Variants in PXYLP1 observed in about 807,000 individuals in gnomAD.
PXYLP1 encodes acid phosphatase-like 2.
In PXYLP1, 17 loss-of-function variants were observed where a neutral mutation model predicts 37.9. The ratio of observed to expected loss-of-function variants is 0.45; its 90% CI spans 0.31 to 0.67. The LOEUF is 0.67. Among genes scored for constraint, PXYLP1 ranks in the 30% least tolerant of loss-of-function variants. The probability of loss-of-function intolerance (pLI) is 0.07; values close to 1 mark genes in which losing one functional copy is unlikely to be tolerated. For synonymous variants in PXYLP1, 221 were observed against 232.2 expected, an observed-to-expected ratio of 0.95 and a Z score of 0.44; for missense variants, 511 against 612.0, an observed-to-expected ratio of 0.84 and a Z score of 1.74.
Position 141,293,531 on chromosome 3 carries a change from A to G in PXYLP1, c.*326A>G. On this transcript the variant is annotated 3_prime_UTR_variant, in exon 6 of 6. Transcript: ENST00000286353. The stretch of plus-strand genomic sequence containing the variant: ...GCACTCTTCTGGCCTGCCCCATGTT[A>G]CTATGTGATGGAACCAGCACACCTC... The G allele has an allele frequency of 3.9e-6, 1 of 253,858 alleles. No homozygotes were observed. Among genetic ancestry groups the G allele is most frequent in the Non-Finnish European group, 7.5e-6 (1 of 132,614 alleles). 15.7% of individuals were successfully genotyped at this position (253,858 alleles called of 1,614,324 possible).
intron 2 of PXYLP1, among the ~76,000 whole-genome samples, chr3:141,270,101 T>G (rs1379665178): frequency 4.6e-5 from 7 of 152,256 alleles, no homozygotes; most frequent in Non-Finnish European, 8.8e-5. Flanking sequence ...TGAACTCTGC[T>G]GGAGTTCTCC....
At chr3:141,233,196 G>C (rs1173387971) in intron 1 of PXYLP1, among the ~76,000 whole-genome samples, 6 of 152,156 alleles carry the variant, frequency 3.9e-5, no homozygotes, top group Admixed American at 3.9e-4. Flanking sequence ...CCTCGGGCGC[G>C]GTGGCTCACG....
intron 1 of PXYLP1, among the ~76,000 whole-genome samples, chr3:141,244,167 A>T (rs55923220): frequency 0.21 from 30,913 of 150,762 alleles, 4,130 homozygotes; most frequent in African/African-American, 0.39. Context: ...TTTCCTTTTT[A>T]AAAAAAAATT....
intron 2 of PXYLP1, chr3:141,274,638 C>T: frequency 4.1e-6 from 3 of 738,418 alleles, no homozygotes; most frequent in Admixed American, 2.0e-5. Flanking sequence ...TTTTGGAAGA[C>T]CTATCCTCTG....
intron 1 of PXYLP1, among the ~76,000 whole-genome samples, chr3:141,248,666 CACACACGTGTATATAT>C (rs1941043956): frequency 2.3e-5 from 1 of 43,386 alleles, no homozygotes; most frequent in Admixed American, 2.3e-4. Context: ...CGTATATATA[CACACACGTGTATATAT>C]ACACACGTAT....
intron 2 of PXYLP1, chr3:141,262,645 G>A: frequency 6.6e-7 from 1 of 1,524,826 alleles, no homozygotes; most frequent in Non-Finnish European, 8.7e-7. Flanking sequence ...GCCTGTCTGG[G>A]TCTGAGCTCT....
chr3:141,288,560 T>C (rs565294341), intron 5 of PXYLP1, among the ~76,000 whole-genome samples: 33 of 152,324 alleles, frequency 2.2e-4, no homozygotes, highest in African/African-American at 7.9e-4. Flanking sequence ...CAATTAACTA[T>C]TTTGCAATCT....
At chr3:141,235,869 A>G (rs988774940) in intron 1 of PXYLP1, among the ~76,000 whole-genome samples, 3 of 152,214 alleles carry the variant, frequency 2.0e-5, no homozygotes, top group African/African-American at 7.2e-5. Flanking sequence ...TGGCCTGTTT[A>G]TCCTCCACCC....
At chr3:141,241,809 G>A (rs1477579924) in intron 1 of PXYLP1, among the ~76,000 whole-genome samples, 2 of 152,202 alleles carry the variant, frequency 1.3e-5, no homozygotes, top group Admixed American at 6.5e-5. Context: ...CAGAATCTGA[G>A]GAGGGCTTGG....
At chr3:141,278,136 G>C (rs1941841535) in intron 2 of PXYLP1, among the ~76,000 whole-genome samples, 1 of 152,194 alleles carries the variant, frequency 6.6e-6, no homozygotes, top group Admixed American at 6.5e-5. Context: ...GATAAGGAGA[G>C]GGTAGTGGCA....
chr3:141,264,128 G>A (rs1204362851), intron 2 of PXYLP1, among the ~76,000 whole-genome samples: 1 of 152,236 alleles, frequency 6.6e-6, no homozygotes, highest in Non-Finnish European at 1.5e-5. Flanking sequence ...CCAGAGCAGA[G>A]TCGAAGGAAA....
chr3:141,270,972 C>T lies in PXYLP1; in HGVS notation c.80-7370C>T, dbSNP rs145906583. Among the ~76,000 whole-genome samples, 28 of 152,272 alleles carry T rather than the reference C, an allele frequency of 1.8e-4. No homozygotes were observed. The East Asian group carries it at 5.4e-3, about 29-fold the overall frequency. On this transcript the variant is annotated intron_variant, in intron 2 of 5. Transcript: ENST00000286353. Reference sequence around the variant, plus strand: ...GTAGTGTGATCAGGGCTCACTGCAGCCCCGAACTCCTGAGCTCAAGCGATC... The same window carrying T: ...GTAGTGTGATCAGGGCTCACTGCAGTCCCGAACTCCTGAGCTCAAGCGATC...
At chr3:141,270,875 G>A (rs1169158965) in intron 2 of PXYLP1, among the ~76,000 whole-genome samples, 2 of 152,150 alleles carry the variant, frequency 1.3e-5, no homozygotes, top group Non-Finnish European at 2.9e-5. Context: ...GGGGATGGAT[G>A]TAGAAAATAG....
At chr3:141,277,193 T>G (rs904333559) in intron 2 of PXYLP1, among the ~76,000 whole-genome samples, 1 of 152,216 alleles carries the variant, frequency 6.6e-6, no homozygotes, top group African/African-American at 2.4e-5. Context: ...GTAGAAGAAT[T>G]TGTAGAAGTA....
rs749916821 is a variant in PXYLP1 at position 141,279,554 on chromosome 3, GTAGGATAGAGAA to G, written c.365+52_365+63del. The stretch of plus-strand genomic sequence containing the variant: ...CATTTTCAAGTGTCTGTTATATCCT[GTAGGATAGAGAA>G]TGACAGGACCTACACTTGGTGAACC... On this transcript the variant is annotated intron_variant, in intron 4 of 5. Coordinates refer to ENST00000286353, the MANE Select transcript of PXYLP1 (RefSeq NM_001037172.3). 33 of 1,607,584 alleles carry G rather than the reference GTAGGATAGAGAA, an allele frequency of 2.1e-5. No individual in the cohort carries two copies. The South Asian group carries it at 3.3e-4, about 16-fold the overall frequency.
rs1367787035 is a variant in PXYLP1 at position 141,264,110 on chromosome 3, C to CAGTG, written c.79+3856_79+3857insAGTG. On this transcript the variant is annotated intron_variant, in intron 2 of 5. Transcript: ENST00000286353. ...TGGGGTTTCCCTCTTGGTCAGGGCC[C>CAGTG]CGATTGGCCAGAGCAGAGTCGAAGG... Among the ~76,000 whole-genome samples the CAGTG allele has an allele frequency of 1.4e-3, 218 of 152,124 alleles. 2 individuals carry two copies. The highest frequency in any genetic ancestry group is 5.1e-3 in the African/African-American group (213 of 41,420).
In PXYLP1 at chr3:141,292,320, G is replaced by A; in HGVS notation, c.558G>A (p.Lys186=). 1 of 1,612,672 alleles carries A rather than the reference G, an allele frequency of 6.2e-7. No homozygotes were observed. The highest frequency in any genetic ancestry group is 8.5e-7 in the Non-Finnish European group (1 of 1,179,478). The change falls in exon 6 of 6, where the codon AAG becomes AAA. Residue 186 remains lysine, a synonymous_variant. Coordinates refer to ENST00000286353, the MANE Select transcript of PXYLP1 (RefSeq NM_001037172.3). The surrounding 1 kb of genome is among the most constrained non-coding windows in gnomAD (Gnocchi z 4.3). ...NGQLLRDIYL[K]KHKLLPNDWS... is the part of the protein sequence containing the mutation. The stretch of plus-strand genomic sequence containing the variant: ...AGCTGCTGAGGGATATCTATCTAAA[G>A]AAACACAAACTCCTGCCCAATGATT...
chr3:141,239,396 T>C (rs1355073866), intron 1 of PXYLP1, among the ~76,000 whole-genome samples: 1 of 152,220 alleles, frequency 6.6e-6, no homozygotes, highest in African/African-American at 2.4e-5. Flanking sequence ...AAAATCACTG[T>C]CTTCTTTGAG....
chr3:141,266,190 A>G (rs1296607075), intron 2 of PXYLP1, among the ~76,000 whole-genome samples: 1 of 152,148 alleles, frequency 6.6e-6, no homozygotes, highest in African/African-American at 2.4e-5. Context: ...GTTTGGCCCA[A>G]CCCCTGTTTT....
Sources: allele counts gnomAD v4.1 joint callset (sites outside exome capture counted in the v4.1 genomes callset), GRCh38; gene constraint gnomAD v4.1.1; non-coding constraint Gnocchi (gnomAD v3.1); transcripts MANE v1.5; gene names NCBI Gene and HGNC (gene_info 2026-07-23, HGNC 2026-07-21).